Variants in UNKL observed in about 807,000 individuals in gnomAD.
UNKL encodes unk like zinc finger.
In UNKL, 60 loss-of-function variants were observed where a neutral mutation model predicts 78.0. The observed-to-expected ratio is 0.77, with a 90% CI of 0.63 to 0.95. UNKL has a LOEUF of 0.95. UNKL is among the 40% of genes least tolerant of loss of function. The probability of loss-of-function intolerance (pLI) is 0.00; values close to 1 mark genes in which losing one functional copy is unlikely to be tolerated. For missense variants in UNKL, 1,159 were observed against 1,045.7 expected, an observed-to-expected ratio of 1.11 and a Z score of -1.49; for synonymous variants, 608 against 474.8, an observed-to-expected ratio of 1.28 and a Z score of -3.65.
At chr16:1,398,962 C>A (rs1424815662) in intron 5 of UNKL, 3 of 1,529,514 alleles carry the variant, frequency 2.0e-6, no homozygotes, top group Non-Finnish European at 2.6e-6. Context: ...AAGATTGAGC[C>A]CAGGTGACGA....
intron 9 of UNKL, among the ~76,000 whole-genome samples, chr16:1,389,857 C>T (rs1420470918): frequency 6.6e-6 from 1 of 152,182 alleles, no homozygotes; most frequent in Non-Finnish European, 1.5e-5. Flanking sequence ...ACTCTGTCGC[C>T]CAGGCTGGAG....
rs950945669 is a variant in UNKL at position 1,363,953 on chromosome 16, C to T, written c.*2287G>A. ...CCTGAGGGGCGGGCGCCACCTCCTT[C>T]CCAGAAAGAGCAGAGCAGCTGGCAG... On this transcript the variant is annotated 3_prime_UTR_variant, in exon 15 of 15. Coordinates refer to ENST00000389221, the MANE Select transcript of UNKL (RefSeq NM_001372107.1). 1 of 152,230 alleles carries T rather than the reference C, an allele frequency of 6.6e-6. No individual in the cohort carries two copies. Among genetic ancestry groups the T allele is most frequent in the Non-Finnish European group, 1.5e-5 (1 of 68,048 alleles). The allele number at this position is 152,230 out of a possible 1,614,324, so 9.4% of individuals were successfully genotyped here.
chr16:1,366,367 C>CA lies in UNKL; in HGVS notation c.2074dup (p.Cys692LeufsTer23). ...GTGGGCCCGCTCCCGGCAGGCCACA[C>CA]ACTGCTTGGCGCGGAGCTGGAAGAT... On this transcript the variant is annotated frameshift_variant, in exon 15 of 15. Transcript: ENST00000389221. LOFTEE classifies it low-confidence loss of function (END_TRUNC). 1 of 1,601,990 alleles carries CA rather than the reference C, an allele frequency of 6.2e-7. No individual in the cohort carries two copies. The highest frequency in any genetic ancestry group is 8.5e-7 in the Non-Finnish European group (1 of 1,173,786).
At position 1,379,554 on chromosome 16, in the gene UNKL, G is replaced by T. The variant is rs2036496947; in HGVS notation, c.1264+5654C>A. On this transcript the variant is annotated intron_variant, in intron 10 of 14. Transcript: ENST00000389221. The stretch of plus-strand genomic sequence containing the variant: ...GCACCTGGCGGGGGGCGCACCTAAG[G>T]GAGGGCCCGCTCCTGACCGCCGAGT... 4.1e-6 allele frequency: 4 copies of T among 985,172 alleles called. No homozygotes were observed. In the Admixed American group the frequency reaches 1.8e-4, roughly 45 times the overall value. 61.0% of individuals were successfully genotyped at this position (985,172 alleles called of 1,614,324 possible). A position where few individuals can be genotyped will look rare whatever the true frequency, so the allele number is the denominator to read the frequency against.
chr16:1,398,884 G>T, intron 5 of UNKL: 1 of 1,574,748 alleles, frequency 6.4e-7, no homozygotes. Context: ...TGGGCAGGGC[G>T]ACCCTTGGGT....
chr16:1,370,110 T>G lies in UNKL; in HGVS notation c.1585+20A>C, dbSNP rs1262638257. 2.6e-6 allele frequency: 4 copies of G among 1,538,690 alleles called. No homozygotes were observed. The African/African-American group carries it at 5.5e-5, about 21-fold the overall frequency. On this transcript the variant is annotated intron_variant, in intron 12 of 14. Transcript: ENST00000389221. The stretch of plus-strand genomic sequence containing the variant: ...CGGAGGCTTCACGGCAACGCCAGCA[T>G]GGAGGGAGCCGGCACTCACCTAGGG...
chr16:1,372,324 G>C (rs1161405336), intron 10 of UNKL, among the ~76,000 whole-genome samples: 1 of 152,120 alleles, frequency 6.6e-6, no homozygotes, highest in Admixed American at 6.5e-5. Context: ...CAAGGAGCAG[G>C]TGTTCACGTG....
chr16:1,396,188 C>T (rs1216926323), intron 6 of UNKL, among the ~76,000 whole-genome samples: 3 of 151,676 alleles, frequency 2.0e-5, no homozygotes, highest in Admixed American at 6.6e-5. Flanking sequence ...GTGATGTGCC[C>T]ACCTCAGCCT....
At chr16:1,374,768 C>T (rs574379424) in intron 10 of UNKL, among the ~76,000 whole-genome samples, 161 of 152,336 alleles carry the variant, frequency 1.1e-3, no homozygotes, top group African/African-American at 3.6e-3. Flanking sequence ...GTTCACCACA[C>T]AGGGGGCATC....
In UNKL at chr16:1,399,103, T is replaced by A; in HGVS notation, c.734+271A>T. The A allele has an allele frequency of 8.2e-7, 1 of 1,219,778 alleles. No individual in the cohort carries two copies. Among genetic ancestry groups the A allele is most frequent in the African/African-American group, 1.5e-5 (1 of 65,264 alleles). The allele number at this position is 1,219,778 out of a possible 1,614,324, so 75.6% of individuals were successfully genotyped here. A position where few individuals can be genotyped will look rare whatever the true frequency, so the allele number is the denominator to read the frequency against. On this transcript the variant is annotated intron_variant, in intron 5 of 14. Transcript: ENST00000389221. This position sits in a 1 kb window ranked among gnomAD's most constrained non-coding sequence, Gnocchi z 5.8. Reference sequence around the variant, plus strand: ...GCTGGGCTTGGGGTCCCTCCTGCAGTGCTCCGTCCCCTTGCCTGGCAGAGG... The same window carrying A: ...GCTGGGCTTGGGGTCCCTCCTGCAGAGCTCCGTCCCCTTGCCTGGCAGAGG...
intron 12 of UNKL, among the ~76,000 whole-genome samples, chr16:1,369,351 G>C (rs1330021309): frequency 6.6e-6 from 1 of 150,966 alleles, no homozygotes; most frequent in African/African-American, 2.4e-5. Flanking sequence ...ACAGGCGTGA[G>C]CCACCACGCC....
At chr16:1,386,552 C>CA (rs528186117) in intron 9 of UNKL, among the ~76,000 whole-genome samples, 161 of 151,662 alleles carry the variant, frequency 1.1e-3, no homozygotes, top group African/African-American at 2.4e-3. Context: ...ACTCTGTTTC[C>CA]AAAAAAAATG....
At position 1,366,251 on chromosome 16, in the gene UNKL, G is replaced by C; in HGVS notation, c.2191C>G (p.Leu731Val). 1 of 1,573,638 alleles carries C rather than the reference G, an allele frequency of 6.4e-7. No homozygotes were observed. ...TGTCCCCGCTGAGGTCACCACTGCAGGGGCTGGCCCTTGCAGTAGGGGCAC... is the reference window on the plus strand; with the variant it reads ...TGTCCCCGCTGAGGTCACCACTGCACGGGCTGGCCCTTGCAGTAGGGGCAC... ...PECPYCKGQP[L>V]QW Residue 731 changes from leucine to valine, a missense_variant, in exon 15 of 15, where the codon CTG becomes GTG. Coordinates refer to ENST00000389221, the MANE Select transcript of UNKL (RefSeq NM_001372107.1).
chr16:1,401,056 G>C (rs1229744511), intron 4 of UNKL, among the ~76,000 whole-genome samples: 1 of 152,140 alleles, frequency 6.6e-6, no homozygotes, highest in African/African-American at 2.4e-5. Context: ...AGCCAGGAAT[G>C]CAGGTCCCCC....
chr16:1,380,883 C>G (rs538165017), intron 10 of UNKL, among the ~76,000 whole-genome samples: 2 of 152,208 alleles, frequency 1.3e-5, no homozygotes, highest in South Asian at 4.2e-4. Context: ...CCATGTTGGT[C>G]AGGCTAGTCT....
At position 1,395,759 on chromosome 16, in the gene UNKL, G is replaced by A. The variant is rs189586327; in HGVS notation, c.852+1419C>T. The A allele has an allele frequency of 5.0e-5, 23 of 456,644 alleles. 1 individual carries two copies. The Admixed American group carries it at 5.2e-4, about 10-fold the overall frequency. 28.3% of individuals were successfully genotyped at this position (456,644 alleles called of 1,614,324 possible). On this transcript the variant is annotated intron_variant, in intron 6 of 14. Coordinates refer to ENST00000389221, the MANE Select transcript of UNKL (RefSeq NM_001372107.1). ...ACCAGAGACTGGGGTCTGCAACCAG[G>A]CCTGCGTGACTGAACACAGAAAACG...
chr16:1,376,569 G>A (rs1244995053), intron 10 of UNKL, among the ~76,000 whole-genome samples: 4 of 152,110 alleles, frequency 2.6e-5, no homozygotes, highest in Admixed American at 6.6e-5. Flanking sequence ...CACCTCTTCC[G>A]AGTGTCTGTC....
chr16:1,396,931 A>C (rs961826693), intron 6 of UNKL: 52 of 528,370 alleles, frequency 9.8e-5, no homozygotes, highest in South Asian at 9.8e-4. Context: ...CTTTTTTCCC[A>C]CATGACTCTT....
chr16:1,393,277 CAA>C (rs2037124816), intron 7 of UNKL, among the ~76,000 whole-genome samples: 1 of 152,232 alleles, frequency 6.6e-6, no homozygotes, highest in African/African-American at 2.4e-5. Flanking sequence ...ACCACACACA[CAA>C]AACCTGGAAC....
Sources: allele counts gnomAD v4.1 joint callset (sites outside exome capture counted in the v4.1 genomes callset), GRCh38; gene constraint gnomAD v4.1.1; non-coding constraint Gnocchi (gnomAD v3.1); transcripts MANE v1.5; gene names NCBI Gene and HGNC (gene_info 2026-07-23, HGNC 2026-07-21).